Variants in TMEM114 observed in about 807,000 individuals in gnomAD.
TMEM114 encodes the protein claudin-26.
In TMEM114, 6 loss-of-function variants were observed where a neutral mutation model predicts 6.2. The ratio of observed to expected loss-of-function variants is 0.97; its 90% CI spans 0.53 to 1.91. The LOEUF (loss-of-function observed/expected upper bound fraction) is 1.91. Ranked by LOEUF, TMEM114 falls within the 40% of genes most tolerant of loss-of-function variation. The probability of loss-of-function intolerance (pLI) is 0.01; values close to 1 mark genes in which losing one functional copy is unlikely to be tolerated. For synonymous variants in TMEM114, 104 were observed against 73.0 expected, an observed-to-expected ratio of 1.42 and a Z score of -2.16; for missense variants, 218 against 158.3, an observed-to-expected ratio of 1.38 and a Z score of -2.02.
chr16:8,561,747 GA>G (rs1901209391), intron 2 of TMEM114, among the ~76,000 whole-genome samples: 1 of 125,890 alleles, frequency 7.9e-6, no homozygotes, highest in Non-Finnish European at 1.9e-5. Context: ...ATGAGTGGGG[GA>G]ATGAATGAAT....
chr16:8,561,611 G>T (rs765330708), intron 2 of TMEM114, among the ~76,000 whole-genome samples: 2 of 152,250 alleles, frequency 1.3e-5, no homozygotes, highest in Non-Finnish European at 2.9e-5. Context: ...GCATATGAAT[G>T]AGTAAGTGAA....
chr16:8,542,167 G>A (rs530328926), intron 2 of TMEM114, among the ~76,000 whole-genome samples: 1 of 152,098 alleles, frequency 6.6e-6, no homozygotes, highest in East Asian at 1.9e-4. Context: ...TGACCAAGGA[G>A]GATGTGAAAC....
chr16:8,569,889 C>A lies in TMEM114; in HGVS notation c.556G>T (p.Gly186Cys), dbSNP rs1226871548. 7 of 1,551,184 alleles carry A rather than the reference C, an allele frequency of 4.5e-6. No individual in the cohort carries two copies. The highest frequency in any genetic ancestry group is 6.1e-6 in the Non-Finnish European group (7 of 1,146,938). Residue 186 changes from glycine (G) to cysteine (C), a missense_variant, in exon 4 of 4, where the codon GGC becomes TGC. Gly to Cys is a radical substitution (Grantham distance 159). Transcript: ENST00000620492. ...ALLDQVDISF[G>C]WSLALGWISF... ...ATCCAGCCCAGGGCCAGGGACCAGCCGAAGCTGATGTCCACCTGGTCCAGG... is the reference window on the plus strand; with the variant it reads ...ATCCAGCCCAGGGCCAGGGACCAGCAGAAGCTGATGTCCACCTGGTCCAGG...
chr16:8,569,655 G>GGGGT lies in TMEM114; in HGVS notation c.*114_*117dup. ...CGCGGGGATTTGTGGGGGAAGGAGG[G>GGGGT]GGGTGCCTGGCCTCCCCGAGTGGCC... On this transcript the variant is annotated 3_prime_UTR_variant, in exon 4 of 4. Coordinates refer to ENST00000620492, the MANE Select transcript of TMEM114 (RefSeq NM_001146336.2). The GGGGT allele has an allele frequency of 1.2e-5, 18 of 1,441,492 alleles. No homozygotes were observed. The highest frequency in any genetic ancestry group is 1.5e-5 in the Non-Finnish European group (17 of 1,101,502). The allele number at this position is 1,441,492 out of a possible 1,614,324, so 89.3% of individuals were successfully genotyped here.
chr16:8,563,875 GAGTGAGTGAATT>G (rs1901398350), intron 2 of TMEM114, among the ~76,000 whole-genome samples: 2 of 150,324 alleles, frequency 1.3e-5, no homozygotes, highest in Admixed American at 1.3e-4. Flanking sequence ...GTGAATGAGT[GAGTGAGTGAATT>G]AGTGAGTGAA....
intron 2 of TMEM114, among the ~76,000 whole-genome samples, chr16:8,554,910 A>C (rs866279337): frequency 6.6e-6 from 1 of 152,206 alleles, no homozygotes; most frequent in African/African-American, 2.4e-5. Context: ...GGGTGTTCAA[A>C]TGCCTATAGA....
At chr16:8,587,826 G>A (rs2141704270) in intron 2 of TMEM114, among the ~76,000 whole-genome samples, 1 of 152,258 alleles carries the variant, frequency 6.6e-6, no homozygotes, top group East Asian at 1.9e-4. Flanking sequence ...CTGGGCAACA[G>A]AACAAGACCC....
chr16:8,564,967 G>A (rs1401832400), downstream of TMEM114, among the ~76,000 whole-genome samples: 2 of 113,000 alleles, frequency 1.8e-5, 1 homozygote, highest in African/African-American at 6.5e-5. Context: ...ATGAGTGAGT[G>A]AGGGAGTGAA....
intron 2 of TMEM114, among the ~76,000 whole-genome samples, chr16:8,546,850 G>A (rs1011853862): frequency 6.6e-6 from 1 of 152,212 alleles, no homozygotes; most frequent in Non-Finnish European, 1.5e-5. Context: ...CAAAACGCAA[G>A]TGATGCTGGC....
chr16:8,528,631 C>T, the TMEM114 span, among the ~76,000 whole-genome samples: 4 of 152,156 alleles, frequency 2.6e-5, no homozygotes, highest in Non-Finnish European at 4.4e-5. Flanking sequence ...GGGGATAACC[C>T]GGTATTTAAA....
At chr16:8,557,355 C>T (rs1428746726) in intron 2 of TMEM114, among the ~76,000 whole-genome samples, 1 of 152,078 alleles carries the variant, frequency 6.6e-6, no homozygotes, top group African/African-American at 2.4e-5. Flanking sequence ...GTCAGGAAGC[C>T]CAGTGTAGCC....
At chr16:8,557,957 T>G (rs543036960) in intron 2 of TMEM114, among the ~76,000 whole-genome samples, 1 of 152,256 alleles carries the variant, frequency 6.6e-6, no homozygotes, top group African/African-American at 2.4e-5. Context: ...AAGGTCCAAA[T>G]TTCAAAATCA....
downstream of TMEM114, among the ~76,000 whole-genome samples, chr16:8,533,575 A>G (rs987632808): frequency 6.6e-6 from 1 of 152,254 alleles, no homozygotes; most frequent in Non-Finnish European, 1.5e-5. Context: ...GATCTGGTCC[A>G]GAGCTTTAAA....
intron 2 of TMEM114, among the ~76,000 whole-genome samples, chr16:8,563,157 G>C (rs1016934659): frequency 1.7e-5 from 2 of 116,994 alleles, no homozygotes; most frequent in African/African-American, 6.9e-5. Context: ...GACTGAATGA[G>C]TGAGTGAGTG....
At chr16:8,530,957 G>C in the TMEM114 span, among the ~76,000 whole-genome samples, 1 of 152,020 alleles carries the variant, frequency 6.6e-6, no homozygotes, top group Non-Finnish European at 1.5e-5. Context: ...GTGGGAGGCG[G>C]AGTTTGCAGT....
chr16:8,557,673 C>A (rs923088576), intron 2 of TMEM114, among the ~76,000 whole-genome samples: 4 of 152,160 alleles, frequency 2.6e-5, no homozygotes, highest in Admixed American at 6.5e-5. Flanking sequence ...ACCAACTTAC[C>A]CAGGGCATGA....
downstream of TMEM114, among the ~76,000 whole-genome samples, chr16:8,535,063 T>C (rs1181899852): frequency 6.6e-6 from 1 of 152,010 alleles, no homozygotes; most frequent in South Asian, 2.1e-4. Flanking sequence ...TGGGGAGTGG[T>C]GGTGGAGGGG....
At chr16:8,550,610 A>T (rs541608254) in intron 2 of TMEM114, among the ~76,000 whole-genome samples, 1 of 151,822 alleles carries the variant, frequency 6.6e-6, no homozygotes, top group East Asian at 1.9e-4. Flanking sequence ...CCCTGGAGGC[A>T]GAGGTTGCAG....
chr16:8,573,337 C>G (rs965431468), intron 2 of TMEM114, among the ~76,000 whole-genome samples: 1 of 152,184 alleles, frequency 6.6e-6, no homozygotes, highest in Non-Finnish European at 1.5e-5. Context: ...CTCTTGCCTC[C>G]TCTCTAGTAG....
Sources: gnomAD v4.1 joint callset for allele counts (sites outside exome capture counted in the v4.1 genomes callset) on GRCh38, gnomAD v4.1.1 for gene constraint, MANE v1.5 for transcripts, NCBI Gene and HGNC (gene_info 2026-07-23, HGNC 2026-07-21) for gene names.